The following USH2A variants were observed in gnomAD, a reference collection of about 807,000 sequenced individuals.
USH2A encodes Usher syndrome 2A (autosomal recessive, mild).
Under a neutral mutation model 538.9 loss-of-function variants are expected in USH2A, and 443 were observed. That is an observed-to-expected ratio of 0.82 (90% CI 0.76 to 0.89). The LOEUF is 0.89. USH2A is among the 40% of genes least tolerant of loss of function. The pLI is 0.00. For missense variants in USH2A, 6,633 were observed against 6,324.8 expected, an observed-to-expected ratio of 1.05 and a Z score of -1.65; for synonymous variants, 2,413 against 2,273.5, an observed-to-expected ratio of 1.06 and a Z score of -1.75.
chr1:215,681,386 A>C (rs1212012451), intron 61 of USH2A, among the ~76,000 whole-genome samples: 1 of 151,946 alleles, frequency 6.6e-6, no homozygotes, highest in African/African-American at 2.4e-5. Flanking sequence ...TACCATCCCC[A>C]TTGGATATAA....
At chr1:215,630,510 A>G (rs1284707312) in intron 70 of USH2A, among the ~76,000 whole-genome samples, 1 of 128,594 alleles carries the variant, frequency 7.8e-6, no homozygotes, top group African/African-American at 2.9e-5. Context: ...ATATATATAT[A>G]TATATATATA....
intron 43 of USH2A, among the ~76,000 whole-genome samples, chr1:215,867,982 C>T (rs1193569523): frequency 6.6e-6 from 1 of 152,124 alleles, no homozygotes; most frequent in East Asian, 1.9e-4. Flanking sequence ...CATAAACAGA[C>T]ACAGTCAGTC....
intron 3 of USH2A, among the ~76,000 whole-genome samples, chr1:216,394,750 G>A (rs1196575677): frequency 1.8e-4 from 15 of 84,210 alleles, no homozygotes; most frequent in Admixed American, 3.3e-4. Context: ...ACAGAGTCTC[G>A]CTCTGTCGCC....
chr1:216,175,158 G>A (rs1572020736), intron 21 of USH2A, 94 bp downstream of exon 21: 1 of 1,567,960 alleles, frequency 6.4e-7, no homozygotes. Flanking sequence ...CTCTAAGTAG[G>A]TATAATAAAA....
rs1411070942 is a variant in USH2A at position 215,624,796 on chromosome 1, A to G, written c.*985T>C. 6.6e-6 allele frequency: 1 copy of G among 152,214 alleles called. No individual in the cohort carries two copies. Among genetic ancestry groups the G allele is most frequent in the Non-Finnish European group, 1.5e-5 (1 of 68,034 alleles). The allele number at this position is 152,214 out of a possible 1,614,324, so 9.4% of individuals were successfully genotyped here. A position where few individuals can be genotyped will look rare whatever the true frequency, so the allele number is the denominator to read the frequency against. On this transcript the variant is annotated 3_prime_UTR_variant, in exon 72 of 72. Coordinates refer to ENST00000307340, the MANE Select transcript of USH2A (RefSeq NM_206933.4). ...ACATGATATACATATATATACACATAGGTATAGTCTTGTCTCTACATGTAT... is the reference window on the plus strand; with the variant it reads ...ACATGATATACATATATATACACATGGGTATAGTCTTGTCTCTACATGTAT...
chr1:216,195,901 G>A (rs2034830889), intron 19 of USH2A: 2 of 167,594 alleles, frequency 1.2e-5, no homozygotes, highest in African/African-American at 4.8e-5. Context: ...GAGAGAACAA[G>A]AGCCTCCTAT....
At chr1:215,740,599 G>A (rs1660272794) in intron 60 of USH2A, among the ~76,000 whole-genome samples, 1 of 152,142 alleles carries the variant, frequency 6.6e-6, no homozygotes, top group East Asian at 1.9e-4. Flanking sequence ...TTTGGAGGAG[G>A]AGAAAAAACT....
At chr1:215,651,040 C>T (rs958772488) in intron 64 of USH2A, among the ~76,000 whole-genome samples, 6 of 151,860 alleles carry the variant, frequency 4.0e-5, no homozygotes, top group Non-Finnish European at 7.4e-5. Context: ...CAAAGGGGGC[C>T]GTTTAGGATT....
intron 15 of USH2A, among the ~76,000 whole-genome samples, chr1:216,213,204 A>ATT (rs2035278538): frequency 1.3e-5 from 2 of 152,050 alleles, no homozygotes; most frequent in Non-Finnish European, 2.9e-5. Context: ...GTAACATAGA[A>ATT]CATTGCTGAA....
rs138694314 is a variant in USH2A, at chr1:216,323,586, C to T, written c.1438G>A (p.Val480Ile). 103 of 1,613,458 alleles carry T rather than the reference C, an allele frequency of 6.4e-5. 1 individual carries two copies. The highest frequency in any genetic ancestry group is 1.7e-4 in the Admixed American group (10 of 59,948). ...TGAAACCTTATTTGCGTGGCTTTTA[C>T]GAACTCTTGAAGAGATGGGGTATTA... ...FYNTPSLQEF[V>I]KATQIRFHFH... Residue 480 changes from valine (V) to isoleucine (I), a missense_variant, in exon 8 of 72, where the codon GTA becomes ATA. By Grantham distance (29) the Val-to-Ile change is conservative. Coordinates refer to ENST00000307340, the MANE Select transcript of USH2A (RefSeq NM_206933.4).
chr1:215,908,430 A>G (rs915681543), intron 38 of USH2A, among the ~76,000 whole-genome samples: 1 of 151,954 alleles, frequency 6.6e-6, no homozygotes, highest in Non-Finnish European at 1.5e-5. Flanking sequence ...TTGGAGAACT[A>G]AACAGAACTC....
rs111430641 is a variant in USH2A, at chr1:215,692,154, C to T, written c.12067-11778G>A. The stretch of plus-strand genomic sequence containing the variant: ...TGTGCATAGGAAGAGCTCTTGATTT[C>T]GTGGCAAATCGTCTTGATATGAGCC... On this transcript the variant is annotated intron_variant, in intron 61 of 71. Transcript: ENST00000307340. Among the ~76,000 whole-genome samples the T allele has an allele frequency of 8.1e-3, 1,233 of 152,220 alleles. 19 individuals carry two copies. The highest frequency in any genetic ancestry group is 0.01 in the Non-Finnish European group (705 of 68,024).
Position 215,679,047 on chromosome 1 carries a change from AG to A in USH2A, c.12294+1101del, listed in dbSNP as rs530314377. Among the ~76,000 whole-genome samples the A allele has an allele frequency of 1.0e-3, 157 of 152,270 alleles. 4 individuals are homozygous for A. In the South Asian group the frequency reaches 0.031, roughly 31 times the overall value. On this transcript the variant is annotated intron_variant, in intron 62 of 71. Coordinates refer to ENST00000307340, the MANE Select transcript of USH2A (RefSeq NM_206933.4). ...TCCTAAGGCTCAAGCCTCTTGCCCC[AG>A]GGGGGAGAAGTCTGGCTTCTGTCCA...
At chr1:216,187,028 T>A (rs1244673788) in intron 20 of USH2A, among the ~76,000 whole-genome samples, 1 of 152,002 alleles carries the variant, frequency 6.6e-6, no homozygotes, top group Non-Finnish European at 1.5e-5. Context: ...CTGCTTTCAT[T>A]ACATCAGTAC....
Position 216,332,210 on chromosome 1 carries a change from A to G in USH2A, c.785-4556T>C, listed in dbSNP as rs545064433. On this transcript the variant is annotated intron_variant, in intron 4 of 71. Transcript: ENST00000307340. ...ATTATTCGATCTGCCTGGAAGTACC[A>G]TGGAAAGCCCCACTAGTAAGGCTTG... Among the ~76,000 whole-genome samples the G allele has an allele frequency of 3.3e-5, 5 of 152,218 alleles. No homozygotes were observed. In the East Asian group the frequency reaches 9.7e-4, roughly 30 times the overall value.
intron 11 of USH2A, among the ~76,000 whole-genome samples, chr1:216,274,358 C>A (rs1365433024): frequency 6.6e-6 from 1 of 152,060 alleles, no homozygotes; most frequent in Non-Finnish European, 1.5e-5. Context: ...TCATTTGCAA[C>A]ACTGCCGGTG....
intron 4 of USH2A, among the ~76,000 whole-genome samples, chr1:216,346,313 C>A (rs1217748319): frequency 6.6e-6 from 1 of 152,042 alleles, no homozygotes; most frequent in African/African-American, 2.4e-5. Flanking sequence ...AAAAGGAGCA[C>A]CACAGACCCC....
At chr1:216,243,584 C>T (rs2035976113) in intron 13 of USH2A, among the ~76,000 whole-genome samples, 1 of 152,122 alleles carries the variant, frequency 6.6e-6, no homozygotes, top group African/African-American at 2.4e-5. Flanking sequence ...AGAACTGATA[C>T]AGGCTCCACT....
At chr1:216,258,290 C>A (rs2036297330) in intron 11 of USH2A, among the ~76,000 whole-genome samples, 1 of 152,066 alleles carries the variant, frequency 6.6e-6, no homozygotes, top group Non-Finnish European at 1.5e-5. Context: ...TGAGGCTAGA[C>A]CCTTTTGTGT....
Sources: gnomAD v4.1 joint callset for allele counts (sites outside exome capture counted in the v4.1 genomes callset) on GRCh38, gnomAD v4.1.1 for gene constraint, MANE v1.5 for transcripts, NCBI Gene and HGNC (gene_info 2026-07-23, HGNC 2026-07-21) for gene names.